Variants in NRG1 observed in about 807,000 individuals in gnomAD.
NRG1 encodes the protein neuregulin 1.
In NRG1, 18 loss-of-function variants were observed where a neutral mutation model predicts 63.8. That is an observed-to-expected ratio of 0.28 (90% CI 0.19 to 0.42). The LOEUF (loss-of-function observed/expected upper bound fraction) is 0.42, where lower values mean the gene tolerates loss of function less well. Ranked by LOEUF, NRG1 falls within the 10% of genes least tolerant of loss-of-function variation. NRG1 has a pLI of 1.00. For missense variants in NRG1, 762 were observed against 814.7 expected, an observed-to-expected ratio of 0.94 and a Z score of 0.79; for synonymous variants, 302 against 301.3, an observed-to-expected ratio of 1.00 and a Z score of -0.02.
chr8:31,938,951 C>T (rs327346), intron 1 of NRG1, among the ~76,000 whole-genome samples: 124,427 of 152,136 alleles, frequency 0.82, 51,866 homozygotes, highest in Non-Finnish European at 0.9. Context: ...CTAGTGTTCC[C>T]GAGGAAGAAG....
chr8:31,780,140 G>A (rs1014475023), intron 1 of NRG1, among the ~76,000 whole-genome samples: 1 of 152,312 alleles, frequency 6.6e-6, no homozygotes, highest in Non-Finnish European at 1.5e-5. Flanking sequence ...ACTAGAGATG[G>A]AATTTTTAAA....
intron 1 of NRG1, among the ~76,000 whole-genome samples, chr8:32,587,898 T>C (rs948660874): frequency 3.3e-5 from 5 of 149,832 alleles, no homozygotes; most frequent in African/African-American, 7.3e-5. Context: ...CCTCTGTTTG[T>C]ACATGTGGGT....
intron 1 of NRG1, among the ~76,000 whole-genome samples, chr8:32,274,385 A>G (rs531875229): frequency 6.6e-6 from 1 of 152,234 alleles, no homozygotes; most frequent in Non-Finnish European, 1.5e-5. Flanking sequence ...AGTACGGGAT[A>G]GGTGGAGAAA....
chr8:32,211,609 G>T (rs1844707290), intron 1 of NRG1, among the ~76,000 whole-genome samples: 1 of 152,074 alleles, frequency 6.6e-6, no homozygotes, highest in African/African-American at 2.4e-5. Context: ...GGTGAATTAT[G>T]GCATCTTGCT....
chr8:32,309,809 T>TA (rs952761689), intron 1 of NRG1, among the ~76,000 whole-genome samples: 3 of 152,340 alleles, frequency 2.0e-5, no homozygotes, highest in South Asian at 2.1e-4. Context: ...TCTTGAAGCT[T>TA]AAAAAATCCC....
chr8:32,093,161 T>G (rs542996681), intron 1 of NRG1, among the ~76,000 whole-genome samples: 1 of 152,310 alleles, frequency 6.6e-6, no homozygotes, highest in East Asian at 1.9e-4. Flanking sequence ...TGAGATGCTG[T>G]TAATCTGTAA....
rs532030560 is a variant in NRG1 at position 31,876,333 on chromosome 8, T to C, written c.37+236902T>C. Among the ~76,000 whole-genome samples, 4 of 152,320 alleles carry C rather than the reference T, an allele frequency of 2.6e-5. 1 individual carries two copies. Among genetic ancestry groups the C allele is most frequent in the African/African-American group, 7.2e-5 (3 of 41,590 alleles). ...CAATAATAGCAATTACCTAACTGGT[T>C]ATTGCAAGCATTAAAGGAGGTCATC... is the stretch of plus-strand genomic sequence containing the variant. On this transcript the variant is annotated intron_variant, in intron 1 of 10. Transcript: ENST00000519301.
chr8:32,511,068 G>A (rs945695592), intron 1 of NRG1, among the ~76,000 whole-genome samples: 4 of 148,342 alleles, frequency 2.7e-5, no homozygotes, highest in Non-Finnish European at 5.9e-5. Context: ...TTCTCACCAT[G>A]CTTATAGATT....
downstream of NRG1, among the ~76,000 whole-genome samples, chr8:32,771,276 ATTTTTTTTTTTTTTTTTTT>A (rs553989637): frequency 1.1e-5 from 1 of 92,754 alleles, no homozygotes; most frequent in African/African-American, 4.7e-5. Context: ...ATGCCCAGCG[ATTTTTTTTTTTTTTTTTTT>A]TTTTTTTTTT....
chr8:31,954,877 C>G (rs1221092263), intron 1 of NRG1, among the ~76,000 whole-genome samples: 1 of 152,280 alleles, frequency 6.6e-6, no homozygotes, highest in East Asian at 1.9e-4. Context: ...ATGACCCCCG[C>G]TGGCTTTGAC....
intron 1 of NRG1, among the ~76,000 whole-genome samples, chr8:32,239,988 TTTGC>T (rs1847944408): frequency 3.3e-5 from 5 of 152,190 alleles, no homozygotes. Context: ...CTGTAAACAA[TTTGC>T]TTGCTTCTTA....
intron 1 of NRG1, among the ~76,000 whole-genome samples, chr8:31,866,150 T>C (rs1828938768): frequency 6.6e-6 from 1 of 152,196 alleles, no homozygotes; most frequent in Non-Finnish European, 1.5e-5. Flanking sequence ...TAGGCAACTC[T>C]AGTTCTATAG....
chr8:31,770,048 T>C (rs1332990608), intron 1 of NRG1, among the ~76,000 whole-genome samples: 3 of 152,108 alleles, frequency 2.0e-5, no homozygotes, highest in Admixed American at 6.6e-5. Flanking sequence ...TCAGACTGTA[T>C]CCTAGAGTCT....
At chr8:32,260,171 T>A (rs1850207124) in intron 1 of NRG1, among the ~76,000 whole-genome samples, 1 of 152,164 alleles carries the variant, frequency 6.6e-6, no homozygotes, top group Non-Finnish European at 1.5e-5. Context: ...AAAACAACTA[T>A]ATATCCTCAC....
chr8:32,574,179 C>T (rs1044137045), intron 1 of NRG1, among the ~76,000 whole-genome samples: 1 of 152,114 alleles, frequency 6.6e-6, no homozygotes, highest in African/African-American at 2.4e-5. Flanking sequence ...GCTGTAACCT[C>T]TCAAATTTAA....
At chr8:31,933,286 T>G (rs893005419) in intron 1 of NRG1, among the ~76,000 whole-genome samples, 2 of 141,086 alleles carry the variant, frequency 1.4e-5, no homozygotes, top group African/African-American at 5.6e-5. Context: ...ATTATCCTCG[T>G]TTTTTTTTTT....
intron 1 of NRG1, among the ~76,000 whole-genome samples, chr8:32,279,005 G>C (rs999619334): frequency 4.6e-5 from 7 of 152,132 alleles, no homozygotes; most frequent in Admixed American, 4.6e-4. Flanking sequence ...TGACTTTCAG[G>C]ATTTATTATG....
chr8:32,389,036 T>C (rs1587299124), intron 1 of NRG1, among the ~76,000 whole-genome samples: 1 of 152,174 alleles, frequency 6.6e-6, no homozygotes, highest in Non-Finnish European at 1.5e-5. Context: ...CAATCAAAAA[T>C]ATAAAGGGTG....
chr8:32,186,874 A>G (rs1161156068), intron 1 of NRG1, among the ~76,000 whole-genome samples: 1 of 152,184 alleles, frequency 6.6e-6, no homozygotes, highest in Non-Finnish European at 1.5e-5. Flanking sequence ...AGAGTTCCAC[A>G]GTCAGAACCT....
Sources: gnomAD v4.1 joint callset for allele counts (sites outside exome capture counted in the v4.1 genomes callset) on GRCh38, gnomAD v4.1.1 for gene constraint, MANE v1.5 for transcripts, NCBI Gene and HGNC (gene_info 2026-07-23, HGNC 2026-07-21) for gene names.